TRIM37: variants seen among roughly 807,000 people sequenced by gnomAD.
TRIM37 encodes E3 ubiquitin-protein ligase TRIM37.
In TRIM37, 80 loss-of-function variants were observed where a neutral mutation model predicts 129.8. The ratio of observed to expected loss-of-function variants is 0.62; its 90% confidence interval spans 0.51 to 0.74. The LOEUF (loss-of-function observed/expected upper bound fraction) is 0.74. TRIM37 is among the 30% of genes least tolerant of loss of function. The pLI is 0.00. For missense variants in TRIM37, 1,054 were observed against 1,176.5 expected, an observed-to-expected ratio of 0.90 and a Z score of 1.52; for synonymous variants, 389 against 387.1, an observed-to-expected ratio of 1.00 and a Z score of -0.06.
intron 8 of TRIM37, among the ~76,000 whole-genome samples, chr17:59,072,289 T>G (rs1295654051): frequency 6.6e-6 from 1 of 152,150 alleles, no homozygotes; most frequent in Non-Finnish European, 1.5e-5. Flanking sequence ...TTTCTATTGT[T>G]TAAGTCTCAC....
At chr17:59,081,964 A>AAAAAAAAAAAAAAAAAAAAAAAAAATAAT (rs1568200247) in intron 5 of TRIM37, among the ~76,000 whole-genome samples, 2 of 87,228 alleles carry the variant, frequency 2.3e-5, no homozygotes, top group Non-Finnish European at 4.3e-5. Context: ...AAAAAAAAAA[A>AAAAAAAAAAAAAAAAAAAAAAAAAATAAT]AATAATAATA....
At chr17:59,017,671 C>A (rs1265135280) in intron 19 of TRIM37, among the ~76,000 whole-genome samples, 3 of 151,670 alleles carry the variant, frequency 2.0e-5, no homozygotes, top group African/African-American at 7.3e-5. Flanking sequence ...GTTGCCCAGG[C>A]TGGAGTGCAA....
intron 8 of TRIM37, 105 bp from the exon 9 acceptor site, chr17:59,071,052 G>A: frequency 7.5e-7 from 1 of 1,328,678 alleles, no homozygotes; most frequent in Non-Finnish European, 1.0e-6. Flanking sequence ...TGAAAAAAAT[G>A]ATAAAAATAA....
rs2033205223 is a variant in TRIM37 at position 58,998,288 on chromosome 17, GAC to G, written c.*1087_*1088del. 1 of 985,302 alleles carries G rather than the reference GAC, an allele frequency of 1.0e-6. No individual in the cohort carries two copies. Among genetic ancestry groups the G allele is most frequent in the Non-Finnish European group, 1.2e-6 (1 of 829,908 alleles). The allele number at this position is 985,302 out of a possible 1,614,324, so 61.0% of individuals were successfully genotyped here. On this transcript the variant is annotated 3_prime_UTR_variant, in exon 24 of 24. Transcript: ENST00000262294. Reference sequence around the variant, plus strand: ...AGTCACAGCATTCAGCAAGACATCAGACACGGAAGAGTGAACAATATTCACTA... The same window carrying G: ...AGTCACAGCATTCAGCAAGACATCAGACGGAAGAGTGAACAATATTCACTA...
At chr17:59,056,477 C>T (rs533649279) in intron 13 of TRIM37, among the ~76,000 whole-genome samples, 1 of 152,000 alleles carries the variant, frequency 6.6e-6, no homozygotes, top group South Asian at 2.1e-4. Flanking sequence ...CGCCTGTAAT[C>T]CCAGCACTTT....
rs116512789 is a variant in TRIM37 at position 59,078,881 on chromosome 17, A to G, written c.616+873T>C. On this transcript the variant is annotated intron_variant, in intron 7 of 23. Coordinates refer to ENST00000262294, the MANE Select transcript of TRIM37 (RefSeq NM_015294.6). Reference sequence around the variant, plus strand: ...GTGGGAAAAAAACTAAAAATCAGATATTAAATAGTATAGGATTATAATAGA... The same window carrying G: ...GTGGGAAAAAAACTAAAAATCAGATGTTAAATAGTATAGGATTATAATAGA... Among the ~76,000 whole-genome samples, 1,332 of 152,298 alleles carry G rather than the reference A, an allele frequency of 8.7e-3. 20 individuals are homozygous for G. The highest frequency in any genetic ancestry group is 0.03 in the African/African-American group (1,241 of 41,560).
At chr17:58,999,814 A>G (rs774406015) in intron 23 of TRIM37, among the ~76,000 whole-genome samples, 1 of 152,216 alleles carries the variant, frequency 6.6e-6, no homozygotes, top group Non-Finnish European at 1.5e-5. Context: ...AACATAAAAC[A>G]TATTTCAAAG....
chr17:59,001,011 G>C (rs896446651), intron 23 of TRIM37, among the ~76,000 whole-genome samples: 2 of 151,978 alleles, frequency 1.3e-5, no homozygotes, highest in Non-Finnish European at 1.5e-5. Flanking sequence ...TGGCCAACAT[G>C]GTGAAACTCC....
chr17:59,041,691 A>T (rs571114308), intron 17 of TRIM37, 122 bp downstream of exon 17: 1 of 719,812 alleles, frequency 1.4e-6, no homozygotes, highest in East Asian at 2.8e-5. Flanking sequence ...TATAAGATAT[A>T]CCACTTCCAA....
At chr17:59,025,043 T>C (rs1249161072) in intron 19 of TRIM37, among the ~76,000 whole-genome samples, 1 of 152,220 alleles carries the variant, frequency 6.6e-6, no homozygotes, top group Non-Finnish European at 1.5e-5. Context: ...AATTGCGTTT[T>C]TGTATGTCCA....
chr17:59,012,025 C>CAA (rs1056834468), intron 22 of TRIM37, among the ~76,000 whole-genome samples: 1 of 152,158 alleles, frequency 6.6e-6, no homozygotes, highest in African/African-American at 2.4e-5. Context: ...TTTCCCCATA[C>CAA]AAATGCCTGT....
At chr17:59,092,923 C>G (rs1048932665) in intron 2 of TRIM37, among the ~76,000 whole-genome samples, 1 of 152,042 alleles carries the variant, frequency 6.6e-6, no homozygotes, top group Non-Finnish European at 1.5e-5. Context: ...GAGGCTGAGG[C>G]GGGTGGATCA....
At chr17:59,087,170 A>G (rs1241762289) in intron 4 of TRIM37, among the ~76,000 whole-genome samples, 1 of 152,036 alleles carries the variant, frequency 6.6e-6, no homozygotes, top group African/African-American at 2.4e-5. Context: ...ATCTCGGCTC[A>G]CTGCAACTTA....
intron 17 of TRIM37, among the ~76,000 whole-genome samples, chr17:59,033,636 G>C (rs1050347510): frequency 1.3e-5 from 2 of 151,852 alleles, no homozygotes; most frequent in Non-Finnish European, 2.9e-5. Flanking sequence ...GGATGGTCTG[G>C]ATCTCCTAAC....
downstream of TRIM37, among the ~76,000 whole-genome samples, chr17:58,994,057 G>A (rs2032725932): frequency 6.6e-6 from 1 of 152,170 alleles, no homozygotes; most frequent in African/African-American, 2.4e-5. Context: ...CGGTTCTGAA[G>A]CTACTTGTAT....
chr17:58,970,848 G>A, the TRIM37 span, among the ~76,000 whole-genome samples: 1 of 151,964 alleles, frequency 6.6e-6, no homozygotes, highest in Non-Finnish European at 1.5e-5. Context: ...CTGAGTCGAG[G>A]ACAAGGGCCG....
At position 58,999,021 on chromosome 17, in the gene TRIM37, G is replaced by A; in HGVS notation, c.*356C>T. The A allele has an allele frequency of 8.9e-7, 1 of 1,124,116 alleles. No individual in the cohort carries two copies. Among genetic ancestry groups the A allele is most frequent in the Non-Finnish European group, 1.1e-6 (1 of 912,558 alleles). 69.6% of individuals were successfully genotyped at this position (1,124,116 alleles called of 1,614,324 possible). On this transcript the variant is annotated 3_prime_UTR_variant, in exon 24 of 24. Transcript: ENST00000262294. Reference sequence around the variant, plus strand: ...AAAGACAGTAGAGCACCAATGCCGGGCGGGTTACTGACGGCATGCAGGGCC... The same window carrying A: ...AAAGACAGTAGAGCACCAATGCCGGACGGGTTACTGACGGCATGCAGGGCC...
intron 2 of TRIM37, among the ~76,000 whole-genome samples, chr17:59,095,514 T>C (rs2044767973): frequency 6.6e-6 from 1 of 152,156 alleles, no homozygotes; most frequent in Admixed American, 6.6e-5. Flanking sequence ...TAAATACTTT[T>C]AGCTATAAGA....
intron 17 of TRIM37, among the ~76,000 whole-genome samples, chr17:59,035,837 C>A (rs369674552): frequency 7.2e-5 from 11 of 152,094 alleles, no homozygotes; most frequent in Non-Finnish European, 1.3e-4. Context: ...AAAAGACAGA[C>A]GGATCGGTGA....
Sources: allele counts gnomAD v4.1 joint callset (sites outside exome capture counted in the v4.1 genomes callset), GRCh38; gene constraint gnomAD v4.1.1; transcripts MANE v1.5; gene names NCBI Gene and HGNC (gene_info 2026-07-23, HGNC 2026-07-21).